The following DTNA variants were observed in gnomAD, a reference collection of about 807,000 sequenced individuals.
The protein encoded by DTNA is dystrophin-related protein 3.
Under a neutral mutation model 100.7 loss-of-function variants are expected in DTNA, and 43 were observed. The ratio of observed to expected loss-of-function variants is 0.43; its 90% CI spans 0.33 to 0.55. The LOEUF is 0.55. Ranked by LOEUF, DTNA falls within the 20% of genes least tolerant of loss-of-function variation. The pLI is 0.04. For synonymous variants in DTNA, 349 were observed against 347.9 expected (o/e 1.00, Z -0.04); for missense variants, 798 against 953.9 (o/e 0.84, Z 2.15).
intron 16 of DTNA, among the ~76,000 whole-genome samples, chr18:34,860,554 C>A (rs994294438): frequency 2.6e-5 from 4 of 152,098 alleles, no homozygotes; most frequent in African/African-American, 9.7e-5. Context: ...TGGATTTTAC[C>A]AAGTTCCTGT....
chr18:34,814,367 A>G (rs2095550401), intron 6 of DTNA, among the ~76,000 whole-genome samples: 1 of 151,836 alleles, frequency 6.6e-6, no homozygotes, highest in African/African-American at 2.4e-5. Flanking sequence ...AGCTAGAATA[A>G]TAGGACTGGG....
intron 17 of DTNA, among the ~76,000 whole-genome samples, chr18:34,871,412 T>C (rs2096764635): frequency 6.6e-6 from 1 of 152,250 alleles, no homozygotes; most frequent in Non-Finnish European, 1.5e-5. Context: ...GTGTGATATA[T>C]GTTTTCCTTC....
At chr18:34,856,134 T>C (rs1384162009) in intron 15 of DTNA, among the ~76,000 whole-genome samples, 1 of 152,168 alleles carries the variant, frequency 6.6e-6, no homozygotes, top group Non-Finnish European at 1.5e-5. Context: ...AAAGAGAGAT[T>C]CATTCTGTCC....
At chr18:34,823,906 C>T (rs1409183540) in intron 9 of DTNA, among the ~76,000 whole-genome samples, 1 of 152,100 alleles carries the variant, frequency 6.6e-6, no homozygotes, top group East Asian at 1.9e-4. Context: ...GTACTGATGA[C>T]CTGAGGTTCT....
chr18:34,869,004 CTT>C (rs2096737112), intron 17 of DTNA, among the ~76,000 whole-genome samples: 1 of 152,128 alleles, frequency 6.6e-6, no homozygotes, highest in Admixed American at 6.5e-5. Context: ...AGTAGACTGA[CTT>C]TGACTCCAGA....
intron 9 of DTNA, chr18:34,821,396 G>A (rs1437322074): frequency 2.2e-6 from 1 of 455,262 alleles, no homozygotes; most frequent in African/African-American, 2.0e-5. Flanking sequence ...AAGAATCATA[G>A]CCTGTGCAGG....
chr18:34,591,669 A>G (rs1426191506), intron 1 of DTNA, among the ~76,000 whole-genome samples: 1 of 152,202 alleles, frequency 6.6e-6, no homozygotes, highest in Non-Finnish European at 1.5e-5. Flanking sequence ...TTATTTGTGA[A>G]GTCATTAGAA....
In DTNA at chr18:34,558,264, T is replaced by A. The variant is rs141760593; in HGVS notation, c.-2+64750T>A. On this transcript the variant is annotated intron_variant, in intron 1 of 19. Coordinates refer to the DTNA transcript ENST00000283365. ...TGCGCACCCACTGACTTGCGCCCAC[T>A]GTCTGGCACTCCCTAGTGAGATGAA... is the stretch of plus-strand genomic sequence containing the variant. 254 of 153,812 alleles carry A rather than the reference T, an allele frequency of 1.7e-3. 7 individuals are homozygous for A. In the East Asian group the frequency reaches 0.04, roughly 24 times the overall value. The allele number at this position is 153,812 out of a possible 1,614,324, so 9.5% of individuals were successfully genotyped here. A position where few individuals can be genotyped will look rare whatever the true frequency, so the allele number is the denominator to read the frequency against.
intron 1 of DTNA, among the ~76,000 whole-genome samples, chr18:34,580,959 G>C (rs9964484): frequency 0.1 from 15,650 of 152,180 alleles, 1,166 homozygotes; most frequent in African/African-American, 0.21. Flanking sequence ...TTGAAAGTGT[G>C]TTAAGGCTGG....
intron 3 of DTNA, among the ~76,000 whole-genome samples, chr18:34,785,886 C>G (rs2094492010): frequency 6.6e-6 from 1 of 152,094 alleles, no homozygotes; most frequent in Non-Finnish European, 1.5e-5. Context: ...ACAATAAGGA[C>G]TGAATAAACA....
intron 4 of DTNA, among the ~76,000 whole-genome samples, chr18:34,794,905 G>A (rs562124438): frequency 6.6e-6 from 1 of 152,296 alleles, no homozygotes; most frequent in East Asian, 1.9e-4. Flanking sequence ...AGGAAATGAA[G>A]CACAAAGAAA....
rs892746875 is a variant in DTNA, at chr18:34,891,673, A to C, written c.*3939A>C. ...CCTTATTATAATTGATATGGAAGTG[A>C]GTTTGAAATTCTAACAGCTAACATA... is the stretch of plus-strand genomic sequence containing the variant. On this transcript the variant is annotated 3_prime_UTR_variant, in exon 23 of 23. Transcript: ENST00000444659. 3 of 152,226 alleles carry C rather than the reference A, an allele frequency of 2.0e-5. No homozygotes were observed. The highest frequency in any genetic ancestry group is 4.4e-5 in the Non-Finnish European group (3 of 68,044). The allele number at this position is 152,226 out of a possible 1,614,324, so 9.4% of individuals were successfully genotyped here.
chr18:34,567,691 A>T (rs935561600), intron 1 of DTNA, among the ~76,000 whole-genome samples: 23 of 152,266 alleles, frequency 1.5e-4, no homozygotes, highest in Non-Finnish European at 2.4e-4. Context: ...TTAAAAAAAA[A>T]TTTTACCTAA....
intron 1 of DTNA, among the ~76,000 whole-genome samples, chr18:34,622,292 G>A (rs945378251): frequency 1.5e-4 from 23 of 152,178 alleles, no homozygotes; most frequent in African/African-American, 4.8e-4. Flanking sequence ...GTAAAGTAGG[G>A]AGGTGGAGAG....
intron 1 of DTNA, among the ~76,000 whole-genome samples, chr18:34,585,014 A>G (rs1026144873): frequency 6.6e-6 from 1 of 152,254 alleles, no homozygotes; most frequent in Admixed American, 6.5e-5. Context: ...AAAAGTAACA[A>G]TTAATGTAAT....
At position 34,588,403 on chromosome 18, in the gene DTNA, GT is replaced by G. The variant is rs1409609572; in HGVS notation, c.-2+94890del. Among the ~76,000 whole-genome samples, 4 of 152,176 alleles carry G rather than the reference GT, an allele frequency of 2.6e-5. No homozygotes were observed. In the East Asian group the frequency reaches 7.7e-4, roughly 29 times the overall value. On this transcript the variant is annotated intron_variant, in intron 1 of 19. Coordinates refer to the DTNA transcript ENST00000283365. ...CTGCCCCCAACCCCCTACCTATAGT[GT>G]GCCAGATTCTGTTTCCCGCCTGCTC...
chr18:34,810,255 C>G (rs539408977), intron 5 of DTNA, among the ~76,000 whole-genome samples: 181 of 152,170 alleles, frequency 1.2e-3, no homozygotes, highest in African/African-American at 4.1e-3. Flanking sequence ...TCTACGCCTA[C>G]CCATAGACTT....
At chr18:34,843,283 G>A (rs1358287742) in intron 13 of DTNA, among the ~76,000 whole-genome samples, 3 of 152,104 alleles carry the variant, frequency 2.0e-5, no homozygotes, top group African/African-American at 4.8e-5. Context: ...GCAATTCACT[G>A]ATGTGAACAG....
At chr18:34,806,942 T>C (rs1390074772) in intron 5 of DTNA, among the ~76,000 whole-genome samples, 3 of 152,128 alleles carry the variant, frequency 2.0e-5, no homozygotes, top group African/African-American at 7.2e-5. Context: ...TTTGTTTGCT[T>C]TAGGTAAAGA....
Sources: allele counts gnomAD v4.1 joint callset (sites outside exome capture counted in the v4.1 genomes callset), GRCh38; gene constraint gnomAD v4.1.1; transcripts MANE v1.5; gene names NCBI Gene and HGNC (gene_info 2026-07-23, HGNC 2026-07-21).